Variants in PDZD2 observed in about 807,000 individuals in gnomAD.
The protein encoded by PDZD2 is PDZ domain containing 2.
In PDZD2, 90 loss-of-function variants were observed where a neutral mutation model predicts 220.7. That is an observed-to-expected ratio of 0.41 (90% CI 0.34 to 0.49). PDZD2 has a LOEUF of 0.49. PDZD2 is among the 20% of genes least tolerant of loss of function. PDZD2 has a pLI of 0.28. For synonymous variants in PDZD2, 1,375 were observed against 1,450.5 expected (o/e 0.95, Z 1.18); for missense variants, 3,174 against 3,608.5 (o/e 0.88, Z 3.08).
rs773067203 is a variant in PDZD2 at position 32,073,925 on chromosome 5, C to A, written c.2819C>A (p.Ala940Asp). ...CTCTTCCACAAGCAGGTGACAGTTG[C>A]CAGACAAGCCAGTCTCCCCGGAAGC... ...SGLFHKQVTV[A>D]RQASLPGSPQ... Residue 940 changes from alanine (A) to aspartate (D), a missense_variant, in exon 18 of 25, where the codon GCC (alanine) becomes GAC (aspartate). Physicochemically the swap from Ala to Asp is moderately radical, Grantham distance 126. Around this residue, in one of 4 missense-constraint regions of PDZD2, gnomAD observed 1,861 missense variants for 2,001.0 expected, o/e 0.93. Transcript: ENST00000438447. The A allele has an allele frequency of 6.2e-7, 1 of 1,614,032 alleles. No individual in the cohort carries two copies. The highest frequency in any genetic ancestry group is 1.3e-5 in the African/African-American group (1 of 75,044).
At chr5:31,890,880 G>A (rs527331926) in intron 2 of PDZD2, among the ~76,000 whole-genome samples, 2 of 152,290 alleles carry the variant, frequency 1.3e-5, no homozygotes, top group East Asian at 1.9e-4. Context: ...GACCTGTGGA[G>A]ACTTGTGGTC....
intron 2 of PDZD2, among the ~76,000 whole-genome samples, chr5:31,890,615 A>AGGGGAC (rs2150347304): frequency 6.6e-6 from 1 of 152,296 alleles, no homozygotes; most frequent in Admixed American, 6.5e-5. Context: ...ACTACTTAGC[A>AGGGGAC]GGGGACCCCA....
chr5:31,794,009 A>G (rs1352029874), intron 1 of PDZD2, among the ~76,000 whole-genome samples: 1 of 152,144 alleles, frequency 6.6e-6, no homozygotes, highest in Non-Finnish European at 1.5e-5. Context: ...ATTAGTTTGA[A>G]GCAATTTCAG....
chr5:31,905,124 A>G (rs6895515), intron 2 of PDZD2, among the ~76,000 whole-genome samples: 22,222 of 151,656 alleles, frequency 0.15, 1,827 homozygotes, highest in Middle Eastern at 0.24. Flanking sequence ...ACTCACCACC[A>G]CGCCCGGCTA....
intron 2 of PDZD2, among the ~76,000 whole-genome samples, chr5:31,873,699 GCCAGA>G (rs1380612905): frequency 6.6e-6 from 1 of 151,088 alleles, no homozygotes; most frequent in African/African-American, 2.4e-5. Flanking sequence ...ACTGCACCCG[GCCAGA>G]AATTCTGATA....
At chr5:32,093,242 T>C (rs755923788) in intron 21 of PDZD2, among the ~76,000 whole-genome samples, 2 of 152,210 alleles carry the variant, frequency 1.3e-5, no homozygotes, top group Non-Finnish European at 2.9e-5. Flanking sequence ...AGGTGCCAGA[T>C]GGGTGTCACT....
intron 5 of PDZD2, among the ~76,000 whole-genome samples, chr5:32,002,450 G>A (rs376977806): frequency 6.6e-6 from 1 of 152,038 alleles, no homozygotes; most frequent in African/African-American, 2.4e-5. Flanking sequence ...AACAAACCCC[G>A]GGATTCTCTC....
At position 32,074,292 on chromosome 5, in the gene PDZD2, T is replaced by G; in HGVS notation, c.3186T>G (p.Ser1062=). 1 of 1,614,162 alleles carries G rather than the reference T, an allele frequency of 6.2e-7. No individual in the cohort carries two copies. The highest frequency in any genetic ancestry group is 8.5e-7 in the Non-Finnish European group (1 of 1,180,014). ...AASYAANLTD[S]AEAPKGSPGS... ...CCTATGCAGCCAACCTCACGGACTCTGCAGAGGCCCCCAAGGGGAGCCCTG... is the reference window on the plus strand; with the variant it reads ...CCTATGCAGCCAACCTCACGGACTCGGCAGAGGCCCCCAAGGGGAGCCCTG... The change falls in exon 18 of 25, where the codon TCT becomes TCG. Residue 1062 remains serine (S), a synonymous_variant. Coordinates refer to ENST00000438447, the MANE Select transcript of PDZD2 (RefSeq NM_178140.4).
intron 5 of PDZD2, among the ~76,000 whole-genome samples, chr5:32,001,879 A>T (rs946694932): frequency 6.6e-6 from 1 of 152,190 alleles, no homozygotes; most frequent in Non-Finnish European, 1.5e-5. Context: ...GGCAGAGGCT[A>T]TGTGACCGAG....
At position 32,101,256 on chromosome 5, in the gene PDZD2, C is replaced by T; in HGVS notation, c.8353+17C>T. ...TGTACAAAGGTAATGTTCTAGACAA[C>T]TCAGTCAGCCTTCTCTCACCTGTCA... On this transcript the variant is annotated intron_variant, in intron 24 of 24. Coordinates refer to ENST00000438447, the MANE Select transcript of PDZD2 (RefSeq NM_178140.4). The T allele has an allele frequency of 1.9e-6, 3 of 1,566,442 alleles. No individual in the cohort carries two copies. The highest frequency in any genetic ancestry group is 1.2e-5 in the South Asian group (1 of 84,306).
chr5:31,789,257 CT>C (rs1291478233), intron 1 of PDZD2, among the ~76,000 whole-genome samples: 5 of 152,210 alleles, frequency 3.3e-5, no homozygotes, highest in African/African-American at 9.7e-5. Flanking sequence ...CTCCCAAAAA[CT>C]TCATGAGCCA....
At chr5:32,094,352 T>C (rs1289713966) in intron 21 of PDZD2, among the ~76,000 whole-genome samples, 1 of 152,244 alleles carries the variant, frequency 6.6e-6, no homozygotes, top group East Asian at 1.9e-4. Flanking sequence ...ATTTGAACCC[T>C]AATGAATGAA....
chr5:31,918,635 A>G (rs1438992414), intron 2 of PDZD2, among the ~76,000 whole-genome samples: 3 of 152,182 alleles, frequency 2.0e-5, no homozygotes, highest in African/African-American at 4.8e-5. Flanking sequence ...AATCATTACA[A>G]TTCTTTTATC....
intron 24 of PDZD2, among the ~76,000 whole-genome samples, chr5:32,102,928 T>TACACCCTCATTA (rs1417255289): frequency 3.9e-5 from 6 of 152,118 alleles, no homozygotes; most frequent in African/African-American, 1.4e-4. Flanking sequence ...TAAATGCACA[T>TACACCCTCATTA]ACACCCTCAT....
chr5:31,657,133 A>G (rs978539868), intron 1 of PDZD2: 4 of 152,248 alleles, frequency 2.6e-5, no homozygotes, highest in African/African-American at 9.6e-5. Context: ...AACAGCAAAG[A>G]AAAGCACATT....
chr5:31,971,406 G>A (rs1472706562), intron 2 of PDZD2, among the ~76,000 whole-genome samples: 1 of 152,130 alleles, frequency 6.6e-6, no homozygotes, highest in African/African-American at 2.4e-5. Flanking sequence ...GAGGCCTCTG[G>A]CCCCATGATA....
At chr5:31,854,649 G>A (rs1758265680) in intron 2 of PDZD2, among the ~76,000 whole-genome samples, 1 of 152,170 alleles carries the variant, frequency 6.6e-6, no homozygotes, top group South Asian at 2.1e-4. Context: ...AGGGTCTAGG[G>A]TAGGGCGCTT....
chr5:31,799,908 G>A (rs1754292586), intron 2 of PDZD2, among the ~76,000 whole-genome samples, 184 bp downstream of exon 2: 1 of 152,158 alleles, frequency 6.6e-6, no homozygotes, highest in South Asian at 2.1e-4. Flanking sequence ...ACCAAAGGTT[G>A]GGTCTTGGAT....
At chr5:31,965,798 CTG>C (rs1358500141) in intron 2 of PDZD2, among the ~76,000 whole-genome samples, 1 of 152,124 alleles carries the variant, frequency 6.6e-6, no homozygotes, top group Non-Finnish European at 1.5e-5. Context: ...ACTCGGGAGA[CTG>C]AGACAGGAGA....
Sources: allele counts gnomAD v4.1 joint callset (sites outside exome capture counted in the v4.1 genomes callset), GRCh38; gene constraint gnomAD v4.1.1; regional missense constraint gnomAD v4.1.1; transcripts MANE v1.5; gene names NCBI Gene and HGNC (gene_info 2026-07-23, HGNC 2026-07-21).